The following KPNA1 variants were observed in gnomAD, a reference collection of about 807,000 sequenced individuals.
KPNA1 encodes importin subunit alpha-5.
KPNA1 carries 10 observed loss-of-function variants against 70.5 expected under a neutral mutation model. The ratio of observed to expected loss-of-function variants is 0.14; its 90% CI spans 0.09 to 0.24. The LOEUF (loss-of-function observed/expected upper bound fraction) is 0.24. Ranked by LOEUF, KPNA1 falls within the 10% of genes least tolerant of loss-of-function variation. The probability of loss-of-function intolerance (pLI) is 1.00; values close to 1 mark genes in which losing one functional copy is unlikely to be tolerated. For synonymous variants in KPNA1, 192 were observed against 221.9 expected (o/e 0.87, Z 1.20); for missense variants, 397 against 637.9 (o/e 0.62, Z 4.07).
intron 5 of KPNA1, among the ~76,000 whole-genome samples, 188 bp downstream of exon 5, chr3:122,461,034 AAT>A (rs1245139737): frequency 3.9e-5 from 6 of 152,300 alleles, no homozygotes; most frequent in Non-Finnish European, 7.3e-5. Flanking sequence ...TTATAATAAT[AAT>A]AAAGAGTATA....
At chr3:122,512,314 T>C (rs2076963427) in intron 1 of KPNA1, among the ~76,000 whole-genome samples, 1 of 152,214 alleles carries the variant, frequency 6.6e-6, no homozygotes, top group African/African-American at 2.4e-5. Context: ...CTTCATTAGA[T>C]ATTAATGAAG....
chr3:122,466,951 C>T (rs1207039938), intron 3 of KPNA1, among the ~76,000 whole-genome samples: 16 of 151,616 alleles, frequency 1.1e-4, no homozygotes, highest in Admixed American at 9.9e-4. Context: ...CAGTGACCTA[C>T]GATTGCGCCA....
intron 2 of KPNA1, among the ~76,000 whole-genome samples, 168 bp from the exon 3 acceptor site, chr3:122,467,597 T>C (rs1378618359): frequency 1.3e-5 from 2 of 152,052 alleles, no homozygotes; most frequent in Non-Finnish European, 1.5e-5. Context: ...TTCTCCATAG[T>C]CTTATAATCA....
chr3:122,471,089 G>C (rs1388663787), intron 2 of KPNA1, among the ~76,000 whole-genome samples: 1 of 152,148 alleles, frequency 6.6e-6, no homozygotes, highest in Non-Finnish European at 1.5e-5. Flanking sequence ...TTGTCACACA[G>C]ATGCAAAATT....
intron 10 of KPNA1, among the ~76,000 whole-genome samples, chr3:122,437,692 G>A (rs1289675261): frequency 5.3e-5 from 8 of 152,052 alleles, no homozygotes; most frequent in Non-Finnish European, 5.9e-5. Flanking sequence ...GAACGAATAC[G>A]TACTTAATGA....
intron 2 of KPNA1, among the ~76,000 whole-genome samples, chr3:122,476,697 T>C (rs940704163): frequency 6.6e-6 from 1 of 151,486 alleles, no homozygotes; most frequent in Non-Finnish European, 1.5e-5. Flanking sequence ...GAAATACAAA[T>C]TGAAGCCATA....
At chr3:122,497,536 C>T (rs566148656) in intron 1 of KPNA1, among the ~76,000 whole-genome samples, 12 of 152,322 alleles carry the variant, frequency 7.9e-5, no homozygotes, top group Non-Finnish European at 1.3e-4. Flanking sequence ...TTATATTCCC[C>T]TCAGCAGCAT....
intron 1 of KPNA1, among the ~76,000 whole-genome samples, chr3:122,514,190 G>A (rs1439103235): frequency 1.3e-5 from 2 of 152,056 alleles, no homozygotes; most frequent in African/African-American, 4.8e-5. Flanking sequence ...TATGACATCG[G>A]TAAACTGCAG....
rs957392998 is a variant in KPNA1 at position 122,442,092 on chromosome 3, A to G, written c.942T>C (p.Ser314=). The G allele has an allele frequency of 1.2e-6, 2 of 1,613,746 alleles. No homozygotes were observed. Among genetic ancestry groups the G allele is most frequent in the Admixed American group, 3.3e-5 (2 of 60,034 alleles). The part of the protein sequence containing the change: ...LLMHNDYKVV[S]PALRAVGNIV... ...TGTTTCCCACAGCTCGCAAAGCAGG[A>G]GAAACCACTTTATAATCATTATGCC... Residue 314 remains serine (S), a synonymous_variant, in exon 10 of 14, where the codon TCT becomes TCC. Transcript: ENST00000344337.
At chr3:122,470,012 C>T (rs1004988681) in intron 2 of KPNA1, among the ~76,000 whole-genome samples, 4 of 151,952 alleles carry the variant, frequency 2.6e-5, no homozygotes, top group Admixed American at 6.5e-5. Context: ...AAATGTTAAA[C>T]GAAATTCTTT....
At chr3:122,483,490 G>C (rs146427850) in intron 2 of KPNA1, among the ~76,000 whole-genome samples, 1,597 of 151,968 alleles carry the variant, frequency 0.011, 17 homozygotes, top group Non-Finnish European at 0.018. Flanking sequence ...GATTACAGGC[G>C]CCCACTACCA....
At chr3:122,465,873 C>T (rs2076374486) in intron 3 of KPNA1, among the ~76,000 whole-genome samples, 1 of 152,218 alleles carries the variant, frequency 6.6e-6, no homozygotes, top group Admixed American at 6.5e-5. Context: ...CAACTCTTAA[C>T]CTGAATTTAT....
intron 2 of KPNA1, among the ~76,000 whole-genome samples, chr3:122,474,672 T>C (rs954617318): frequency 6.6e-6 from 1 of 152,110 alleles, no homozygotes; most frequent in East Asian, 1.9e-4. Context: ...AATATGAACA[T>C]GTAGGATTTA....
At chr3:122,429,819 T>C (rs1421589041) in intron 12 of KPNA1, among the ~76,000 whole-genome samples, 5 of 152,184 alleles carry the variant, frequency 3.3e-5, no homozygotes, top group Admixed American at 1.3e-4. Flanking sequence ...CAGTGTGGTA[T>C]TGGTGAAAGA....
At chr3:122,495,518 G>A (rs944618209) in intron 2 of KPNA1, among the ~76,000 whole-genome samples, 1 of 151,934 alleles carries the variant, frequency 6.6e-6, no homozygotes, top group African/African-American at 2.4e-5. Flanking sequence ...AAAATACTGA[G>A]GTTGTAATGT....
At chr3:122,451,501 T>C in intron 8 of KPNA1, 33 bp downstream of exon 8, 1 of 1,235,726 alleles carries the variant, frequency 8.1e-7, no homozygotes, top group East Asian at 2.4e-5. Context: ...AATTGTATTT[T>C]TTCTGCCAAT....
chr3:122,437,827 AATAAT>A (rs10576461), intron 10 of KPNA1, among the ~76,000 whole-genome samples: 21,152 of 152,202 alleles, frequency 0.14, 1,547 homozygotes, highest in East Asian at 0.32. Context: ...TAGAAACTAA[AATAAT>A]ATAAGTTTGA....
At chr3:122,494,381 A>C (rs1227764955) in intron 2 of KPNA1, among the ~76,000 whole-genome samples, 1 of 152,180 alleles carries the variant, frequency 6.6e-6, no homozygotes, top group African/African-American at 2.4e-5. Context: ...CTATTCATTG[A>C]ATAGGGTATC....
At chr3:122,450,692 T>A (rs532494228) in intron 8 of KPNA1, among the ~76,000 whole-genome samples, 1 of 152,208 alleles carries the variant, frequency 6.6e-6, no homozygotes, top group Non-Finnish European at 1.5e-5. Flanking sequence ...GAAAACAGTG[T>A]GGAGATTCCT....
Sources: allele counts gnomAD v4.1 joint callset (sites outside exome capture counted in the v4.1 genomes callset), GRCh38; gene constraint gnomAD v4.1.1; transcripts MANE v1.5; gene names NCBI Gene and HGNC (gene_info 2026-07-23, HGNC 2026-07-21).